SEMA3A: variants seen among roughly 807,000 people sequenced by gnomAD.
SEMA3A encodes the protein semaphorin-3A.
SEMA3A carries 29 observed loss-of-function variants against 97.9 expected under a neutral mutation model. The observed-to-expected ratio is 0.30, with a 90% CI of 0.22 to 0.40. The LOEUF (loss-of-function observed/expected upper bound fraction) is 0.40, where lower values mean the gene tolerates loss of function less well. Among genes scored for constraint, SEMA3A ranks in the 10% least tolerant of loss-of-function variants. SEMA3A has a pLI of 1.00. For missense variants in SEMA3A, 763 were observed against 951.3 expected (o/e 0.80, Z 2.60); for synonymous variants, 321 against 323.7 (o/e 0.99, Z 0.09).
chr7:84,343,154 C>T lies in SEMA3A; in HGVS notation c.-169+28670G>A, dbSNP rs374175467. Among the ~76,000 whole-genome samples the T allele has an allele frequency of 5.9e-5, 9 of 152,214 alleles. 2 individuals carry two copies. Among genetic ancestry groups the T allele is most frequent in the Admixed American group, 6.5e-5 (1 of 15,290 alleles). On this transcript the variant is annotated intron_variant, in intron 2 of 3. Coordinates refer to the SEMA3A transcript ENST00000424555. The stretch of plus-strand genomic sequence containing the variant: ...TAGTAAATTTTGCATGAATGAATAG[C>T]AAAGGAATACATATATCTGAACTCA...
At chr7:84,173,091 A>T (rs1797443099) in intron 1 of SEMA3A, among the ~76,000 whole-genome samples, 1 of 152,196 alleles carries the variant, frequency 6.6e-6, no homozygotes, top group Non-Finnish European at 1.5e-5. Context: ...AAAGTACAGT[A>T]GGAAGCGATA....
intron 2 of SEMA3A, among the ~76,000 whole-genome samples, chr7:84,309,953 A>C (rs921056218): frequency 1.3e-5 from 2 of 152,218 alleles, no homozygotes; most frequent in Non-Finnish European, 2.9e-5. Context: ...CCAAATTTAA[A>C]TGATAAGACA....
intron 4 of SEMA3A, among the ~76,000 whole-genome samples, chr7:84,098,750 A>G (rs543820315): frequency 6.6e-6 from 1 of 152,072 alleles, no homozygotes; most frequent in Non-Finnish European, 1.5e-5. Flanking sequence ...CATAATCTCA[A>G]TGGGGTATAA....
intron 5 of SEMA3A, among the ~76,000 whole-genome samples, chr7:84,054,329 C>G (rs1165837994): frequency 6.6e-6 from 1 of 152,194 alleles, no homozygotes; most frequent in East Asian, 1.9e-4. Context: ...GTTCCATTCT[C>G]CCCGTCACTT....
chr7:84,091,161 AAGGAAG>A lies in SEMA3A; in HGVS notation c.453+19303_453+19308del, dbSNP rs1562774183. 1.9e-3 allele frequency among the ~76,000 whole-genome samples: 72 copies of A among 38,522 alleles called. 2 individuals are homozygous for A. Among genetic ancestry groups the A allele is most frequent in the East Asian group, 0.01 (14 of 1,392 alleles). The allele number at this position is 38,522 out of a possible 152,430, so 25.3% of individuals were successfully genotyped here. A position where few individuals can be genotyped will look rare whatever the true frequency, so the allele number is the denominator to read the frequency against. On this transcript the variant is annotated intron_variant, in intron 4 of 16. Transcript: ENST00000265362. Reference sequence around the variant, plus strand: ...GAAGGAAGGAAGGAAGGAAGGAAGGAAGGAAGGAAAGAAAGAAAGAAAGAAAGAAAG... The same window carrying A: ...GAAGGAAGGAAGGAAGGAAGGAAGGAGAAAGAAAGAAAGAAAGAAAGAAAG...
At chr7:84,414,182 A>G (rs915366230) in intron 1 of SEMA3A, among the ~76,000 whole-genome samples, 8 of 152,054 alleles carry the variant, frequency 5.3e-5, no homozygotes, top group African/African-American at 1.4e-4. Context: ...TTTCTAATCA[A>G]TGTTCACCAT....
intron 1 of SEMA3A, among the ~76,000 whole-genome samples, chr7:84,423,780 C>A (rs932751208): frequency 6.6e-6 from 1 of 151,798 alleles, no homozygotes; most frequent in African/African-American, 2.4e-5. Flanking sequence ...CATCCAGAAT[C>A]TACAAGAAAC....
intron 2 of SEMA3A, among the ~76,000 whole-genome samples, chr7:84,313,394 AT>A (rs1562898812): frequency 8.6e-5 from 10 of 116,232 alleles, no homozygotes; most frequent in African/African-American, 1.6e-4. Flanking sequence ...ATATATATAT[AT>A]ATATATATAT....
chr7:84,055,329 C>G (rs1020277232), intron 5 of SEMA3A, among the ~76,000 whole-genome samples: 21 of 152,324 alleles, frequency 1.4e-4, no homozygotes, highest in African/African-American at 4.6e-4. Flanking sequence ...AGTTTGATCT[C>G]AGACTGCTGT....
chr7:84,445,257 T>G (rs1373459939), intron 1 of SEMA3A, among the ~76,000 whole-genome samples: 4 of 151,588 alleles, frequency 2.6e-5, no homozygotes, highest in Non-Finnish European at 5.9e-5. Flanking sequence ...TTTGGGAGGC[T>G]GAGGCGGGCG....
intron 15 of SEMA3A, among the ~76,000 whole-genome samples, chr7:83,967,434 C>A (rs1274824037): frequency 1.3e-5 from 2 of 152,100 alleles, no homozygotes; most frequent in African/African-American, 4.8e-5. Context: ...TTATTAAGTT[C>A]TTCACTTTTT....
chr7:83,995,811 C>T (rs1398499648), intron 12 of SEMA3A, among the ~76,000 whole-genome samples: 3 of 152,206 alleles, frequency 2.0e-5, no homozygotes, highest in African/African-American at 7.2e-5. Context: ...CAAAGCTTTT[C>T]AACCTGCTGA....
chr7:83,991,063 T>G (rs1789904258), intron 12 of SEMA3A, among the ~76,000 whole-genome samples: 1 of 149,814 alleles, frequency 6.7e-6, no homozygotes, highest in Non-Finnish European at 1.5e-5. Context: ...TCCTAGGTAT[T>G]TTATTCTCTT....
intron 1 of SEMA3A, among the ~76,000 whole-genome samples, chr7:84,137,422 T>C (rs1250335001): frequency 1.7e-5 from 2 of 120,540 alleles, no homozygotes; most frequent in Non-Finnish European, 3.7e-5. Context: ...AAAAAAGAAA[T>C]GGCATTCATT....
At position 84,046,311 on chromosome 7, in the gene SEMA3A, A is replaced by G. The variant is rs1226279689; in HGVS notation, c.667+13T>C. The G allele has an allele frequency of 4.3e-6, 7 of 1,612,086 alleles. No individual in the cohort carries two copies. Among genetic ancestry groups the G allele is most frequent in the Non-Finnish European group, 5.9e-6 (7 of 1,178,996 alleles). ...ACATGTTACATGTCTATGTTCTTTCATAAACCACCTACCATTGAGCCACCT... is the reference window on the plus strand; with the variant it reads ...ACATGTTACATGTCTATGTTCTTTCGTAAACCACCTACCATTGAGCCACCT... On this transcript the variant is annotated intron_variant, in intron 6 of 16. Coordinates refer to ENST00000265362, the MANE Select transcript of SEMA3A (RefSeq NM_006080.3).
chr7:84,302,006 A>G (rs1437057034), intron 3 of SEMA3A, among the ~76,000 whole-genome samples: 1 of 152,196 alleles, frequency 6.6e-6, no homozygotes, highest in Non-Finnish European at 1.5e-5. Context: ...TTCACAAAGG[A>G]CAAAAGATGG....
chr7:84,002,574 T>C (rs1169810736), intron 11 of SEMA3A, among the ~76,000 whole-genome samples: 6 of 152,218 alleles, frequency 3.9e-5, no homozygotes, highest in African/African-American at 1.4e-4. Context: ...TTCAGAGTCC[T>C]GGCTGCTCTT....
rs1419677677 is a variant in SEMA3A, at chr7:84,414,878, G to A, written c.-245-42978C>T. Among the ~76,000 whole-genome samples, 8 of 151,982 alleles carry A rather than the reference G, an allele frequency of 5.3e-5. No individual in the cohort carries two copies. In the South Asian group the frequency reaches 1.7e-3, roughly 31 times the overall value. ...ATCAGCAAAGAACCATTGAGACAAT[G>A]GGGAAATTCAAATAAACACTATATG... On this transcript the variant is annotated intron_variant, in intron 1 of 3. Coordinates refer to the SEMA3A transcript ENST00000424555.
At chr7:84,313,703 G>A (rs1232483233) in intron 2 of SEMA3A, among the ~76,000 whole-genome samples, 1 of 151,552 alleles carries the variant, frequency 6.6e-6, no homozygotes, top group Admixed American at 6.6e-5. Context: ...CATCCTAAGC[G>A]ACAGAATCCA....
Sources: allele counts gnomAD v4.1 joint callset (sites outside exome capture counted in the v4.1 genomes callset), GRCh38; gene constraint gnomAD v4.1.1; transcripts MANE v1.5; gene names NCBI Gene and HGNC (gene_info 2026-07-23, HGNC 2026-07-21).